SHQ1: variants seen among roughly 807,000 people sequenced by gnomAD.
SHQ1 encodes the protein SHQ1, H/ACA ribonucleoprotein assembly factor.
A neutral mutation model predicts 53.8 loss-of-function variants in SHQ1; 49 were observed. That is an observed-to-expected ratio of 0.91 (90% CI 0.72 to 1.16). SHQ1 has a LOEUF of 1.16. Among genes scored for constraint, SHQ1 ranks in the 50% most tolerant of loss-of-function variants. The pLI, the probability that SHQ1 is intolerant of heterozygous loss-of-function variation, is 0.00. For synonymous variants in SHQ1, 243 were observed against 251.0 expected (o/e 0.97, Z 0.30); for missense variants, 738 against 683.1 (o/e 1.08, Z -0.90).
At chr3:72,763,650 A>T (rs1705658430) in intron 10 of SHQ1, among the ~76,000 whole-genome samples, 1 of 152,220 alleles carries the variant, frequency 6.6e-6, no homozygotes, top group Non-Finnish European at 1.5e-5. Context: ...AAAAAACACA[A>T]TGTAAAGACA....
rs770526167 is a variant in SHQ1, at chr3:72,848,354, G to A, written c.-14C>T. On this transcript the variant is annotated 5_prime_UTR_variant, in exon 1 of 11. Coordinates refer to ENST00000325599, the MANE Select transcript of SHQ1 (RefSeq NM_018130.3). The stretch of plus-strand genomic sequence containing the variant: ...CGGGGTCAGCATCGCCGCACCGGAC[G>A]CAAGGGCCGGCGCCGCTCGCTCTCA... 2 of 1,613,100 alleles carry A rather than the reference G, an allele frequency of 1.2e-6. No homozygotes were observed. The highest frequency in any genetic ancestry group is 1.1e-5 in the South Asian group (1 of 91,030).
chr3:72,796,771 G>C (rs991799722), intron 9 of SHQ1, among the ~76,000 whole-genome samples: 2 of 151,920 alleles, frequency 1.3e-5, no homozygotes, highest in African/African-American at 2.4e-5. Context: ...AGTGAGCAGA[G>C]ATCACACCAC....
the SHQ1 span, among the ~76,000 whole-genome samples, chr3:72,732,304 A>C: frequency 3.3e-5 from 5 of 149,906 alleles, 1 homozygote; most frequent in Non-Finnish European, 7.4e-5. Context: ...CCACCCCTAA[A>C]GCTCCTTCCA....
downstream of SHQ1, among the ~76,000 whole-genome samples, chr3:72,744,322 T>C (rs73839901): frequency 6.6e-6 from 1 of 152,232 alleles, no homozygotes; most frequent in Non-Finnish European, 1.5e-5. Context: ...GACAGAGCAT[T>C]TGGAGTACTG....
intron 10 of SHQ1, among the ~76,000 whole-genome samples, chr3:72,755,919 C>T (rs1432441395): frequency 1.3e-5 from 2 of 152,214 alleles, no homozygotes; most frequent in Non-Finnish European, 2.9e-5. Context: ...TATTTAGAGA[C>T]AGGTTCTCGC....
At chr3:72,803,244 C>A (rs1706844339) in intron 9 of SHQ1, among the ~76,000 whole-genome samples, 1 of 152,148 alleles carries the variant, frequency 6.6e-6, no homozygotes, top group Non-Finnish European at 1.5e-5. Flanking sequence ...TTTTAAAGAT[C>A]ATTTTACTTT....
At chr3:72,824,314 TAACATTATAAGGCAATTACAACTA>T in intron 6 of SHQ1, 86 bp downstream of exon 6, 1 of 1,308,928 alleles carries the variant, frequency 7.6e-7, no homozygotes, top group Non-Finnish European at 1.0e-6. Context: ...ACTCATATTT[TAACATTATAAGGCAATTACAACTA>T]TACGCTTAAT....
intron 1 of SHQ1, chr3:72,846,239 C>T (rs1708324190): frequency 6.5e-7 from 1 of 1,535,642 alleles, no homozygotes; most frequent in Non-Finnish European, 8.7e-7. Context: ...GCTACAGTCT[C>T]CATTCTTCAA....
chr3:72,736,655 TG>T, the SHQ1 span, among the ~76,000 whole-genome samples: 1 of 148,388 alleles, frequency 6.7e-6, no homozygotes, highest in African/African-American at 2.5e-5. Flanking sequence ...TAGGCAGGAA[TG>T]GTGGCAGGCA....
intron 5 of SHQ1, among the ~76,000 whole-genome samples, chr3:72,827,169 G>A (rs530910148): frequency 1.3e-4 from 20 of 151,998 alleles, no homozygotes; most frequent in Middle Eastern, 3.4e-3. Flanking sequence ...AGTGTCCTTC[G>A]TTGAGACAGG....
At position 72,806,951 on chromosome 3, in the gene SHQ1, A is replaced by G. The variant is rs962686097; in HGVS notation, c.1060+5720T>C. On this transcript the variant is annotated intron_variant, in intron 9 of 10. Transcript: ENST00000325599. Reference sequence around the variant, plus strand: ...TAGTGAACACGCTCCCCGGCTAGTGAACACGTCCCCAAATACAGCCCACAC... The same window carrying G: ...TAGTGAACACGCTCCCCGGCTAGTGGACACGTCCCCAAATACAGCCCACAC... Among the ~76,000 whole-genome samples the G allele has an allele frequency of 2.0e-5, 3 of 152,196 alleles. No homozygotes were observed. In the East Asian group the frequency reaches 5.8e-4, roughly 29 times the overall value.
At chr3:72,810,499 C>T (rs768673956) in intron 9 of SHQ1, among the ~76,000 whole-genome samples, 25 of 152,106 alleles carry the variant, frequency 1.6e-4, no homozygotes, top group Non-Finnish European at 2.6e-4. Context: ...AAAGCTCATT[C>T]CATTTAAGAT....
At chr3:72,846,644 A>G (rs911439402) in intron 1 of SHQ1, among the ~76,000 whole-genome samples, 1 of 152,074 alleles carries the variant, frequency 6.6e-6, no homozygotes, top group African/African-American at 2.4e-5. Context: ...ACTCTTCCCA[A>G]CCATGAAGGT....
Position 72,841,067 on chromosome 3 carries a change from G to A in SHQ1, c.464C>T (p.Ser155Leu). ...QCHYGFGNLRSGVLQRLQDEL... is the reference protein window; with the variant it reads ...QCHYGFGNLRLGVLQRLQDEL... The stretch of plus-strand genomic sequence containing the variant: ...TACCTGTAACCGTTGCAACACTCCT[G>A]ATCGTAAGTTTCCAAATCCATAGTG... The change falls in exon 4 of 11, where the codon TCA becomes TTA. Residue 155 changes from serine (S) to leucine (L), a missense_variant. Physicochemically the swap from Ser to Leu is moderately radical, Grantham distance 145 (BLOSUM62 -2). Transcript: ENST00000325599. 1.2e-6 allele frequency: 2 copies of A among 1,613,694 alleles called. No individual in the cohort carries two copies. Among genetic ancestry groups the A allele is most frequent in the Non-Finnish European group, 1.7e-6 (2 of 1,179,894 alleles).
chr3:72,726,374 A>G, the SHQ1 span, among the ~76,000 whole-genome samples: 2 of 151,862 alleles, frequency 1.3e-5, no homozygotes, highest in African/African-American at 2.4e-5. Flanking sequence ...TTTTGGAGAC[A>G]GAGACCAGCT....
intron 1 of SHQ1, among the ~76,000 whole-genome samples, chr3:72,845,051 C>T (rs1708289641): frequency 6.6e-6 from 1 of 151,848 alleles, no homozygotes; most frequent in South Asian, 2.1e-4. Flanking sequence ...ATAAGGGATA[C>T]TCAATGGGAA....
intron 9 of SHQ1, among the ~76,000 whole-genome samples, chr3:72,810,396 G>A (rs1448239096): frequency 1.3e-5 from 2 of 152,150 alleles, no homozygotes; most frequent in Non-Finnish European, 2.9e-5. Flanking sequence ...AGTCACATGA[G>A]GCAAATTCCT....
the SHQ1 span, among the ~76,000 whole-genome samples, chr3:72,741,479 A>T: frequency 6.6e-6 from 1 of 152,048 alleles, no homozygotes; most frequent in African/African-American, 2.4e-5. Flanking sequence ...CCAGCTACTC[A>T]GGAGGCTGAG....
intron 6 of SHQ1, among the ~76,000 whole-genome samples, chr3:72,821,531 G>C (rs1259056820): frequency 6.6e-6 from 1 of 152,220 alleles, no homozygotes; most frequent in African/African-American, 2.4e-5. Flanking sequence ...GAGAAAAAGA[G>C]GGAGCAAAGT....
Sources: allele counts gnomAD v4.1 joint callset (sites outside exome capture counted in the v4.1 genomes callset), GRCh38; gene constraint gnomAD v4.1.1; transcripts MANE v1.5; gene names NCBI Gene and HGNC (gene_info 2026-07-23, HGNC 2026-07-21).